Variants in WWOX observed in about 807,000 individuals in gnomAD.
WWOX encodes the protein WW domain-containing oxidoreductase.
In WWOX, 69 loss-of-function variants were observed where a neutral mutation model predicts 46.2. That is an observed-to-expected ratio of 1.49 (90% CI 1.23 to 1.82). The LOEUF is 1.82. WWOX is among the 40% of genes most tolerant of loss of function. The pLI, the probability that WWOX is intolerant of heterozygous loss-of-function variation, is 0.00. For synonymous variants in WWOX, 359 were observed against 202.6 expected (o/e 1.77, Z -6.56); for missense variants, 919 against 542.6 (o/e 1.69, Z -6.89).
chr16:78,408,315 A>T (rs1315408680), intron 6 of WWOX, among the ~76,000 whole-genome samples: 1 of 152,126 alleles, frequency 6.6e-6, no homozygotes, highest in Non-Finnish European at 1.5e-5. Flanking sequence ...CCTTCTGTGC[A>T]TGCTCACAAA....
chr16:78,618,721 T>C (rs547348319), intron 8 of WWOX, among the ~76,000 whole-genome samples: 14 of 152,030 alleles, frequency 9.2e-5, no homozygotes, highest in Admixed American at 2.0e-4. Context: ...CCTTGTAATA[T>C]GTATAATGAC....
intron 8 of WWOX, among the ~76,000 whole-genome samples, chr16:78,839,754 A>G (rs1597702303): frequency 1.3e-5 from 2 of 152,084 alleles, no homozygotes; most frequent in East Asian, 3.9e-4. Flanking sequence ...TTGGTTGGTG[A>G]TGCTAAATTG....
At chr16:78,988,842 G>A (rs1254429395) in intron 8 of WWOX, among the ~76,000 whole-genome samples, 3 of 152,270 alleles carry the variant, frequency 2.0e-5, no homozygotes, top group Non-Finnish European at 2.9e-5. Context: ...CCTGGGGCCA[G>A]CATGTTGCTG....
At chr16:78,671,470 C>T (rs1474373911) in intron 8 of WWOX, among the ~76,000 whole-genome samples, 4 of 152,128 alleles carry the variant, frequency 2.6e-5, no homozygotes, top group Admixed American at 1.3e-4. Flanking sequence ...TGTTTTAAGA[C>T]AATTTGCCTG....
At chr16:78,922,246 C>T (rs1246377219) in intron 8 of WWOX, among the ~76,000 whole-genome samples, 1 of 152,146 alleles carries the variant, frequency 6.6e-6, no homozygotes, top group Non-Finnish European at 1.5e-5. Flanking sequence ...AATGGTTCAT[C>T]TGCAACCTAA....
At chr16:79,097,926 T>C (rs1296476925) in intron 8 of WWOX, among the ~76,000 whole-genome samples, 2 of 152,122 alleles carry the variant, frequency 1.3e-5, no homozygotes, top group Admixed American at 6.5e-5. Flanking sequence ...ACAGGCAAAA[T>C]GATAAGTCAG....
chr16:78,785,167 G>C (rs1303258633), intron 8 of WWOX, among the ~76,000 whole-genome samples: 1 of 152,226 alleles, frequency 6.6e-6, no homozygotes, highest in Non-Finnish European at 1.5e-5. Context: ...GTGACTGGCT[G>C]TCTAAGAATT....
At chr16:78,523,118 G>T (rs2043385606) in intron 8 of WWOX, among the ~76,000 whole-genome samples, 1 of 152,132 alleles carries the variant, frequency 6.6e-6, no homozygotes, top group South Asian at 2.1e-4. Context: ...ACTGGTACGA[G>T]AAGAAATTAT....
chr16:78,505,592 GGCCA>G (rs1173044110), intron 8 of WWOX, among the ~76,000 whole-genome samples: 3 of 152,062 alleles, frequency 2.0e-5, no homozygotes, highest in Admixed American at 2.0e-4. Flanking sequence ...TACCTCTTGG[GGCCA>G]GCCAGCCTCA....
rs552214695 is a variant in WWOX, at chr16:78,317,041, G to T, written c.517-69819G>T. 5.7e-4 allele frequency among the ~76,000 whole-genome samples: 87 copies of T among 152,334 alleles called. 1 individual carries two copies. The South Asian group carries it at 0.017, about 30-fold the overall frequency. ...AAGGATATTAGAATCCAAAGGTGAA[G>T]CCTGCACAGTAAGTAGGCCAGTGGT... On this transcript the variant is annotated intron_variant, in intron 5 of 8. Transcript: ENST00000566780.
At chr16:78,219,898 A>T (rs2036836288) in intron 5 of WWOX, among the ~76,000 whole-genome samples, 1 of 152,110 alleles carries the variant, frequency 6.6e-6, no homozygotes, top group Non-Finnish European at 1.5e-5. Context: ...TTGTACTGAA[A>T]CTTACCAAAC....
chr16:78,792,799 C>A (rs2050638899), intron 8 of WWOX, among the ~76,000 whole-genome samples: 1 of 152,094 alleles, frequency 6.6e-6, no homozygotes, highest in African/African-American at 2.4e-5. Flanking sequence ...AGGATCCTCA[C>A]CAAGATTGCC....
At chr16:78,341,607 A>C (rs1355483470) in intron 5 of WWOX, among the ~76,000 whole-genome samples, 1 of 119,316 alleles carries the variant, frequency 8.4e-6, no homozygotes, top group African/African-American at 2.9e-5. Context: ...AGTGGACAGG[A>C]AGTGATGCTG....
At chr16:78,146,673 A>T (rs1000872221) in intron 4 of WWOX, among the ~76,000 whole-genome samples, 1 of 152,140 alleles carries the variant, frequency 6.6e-6, no homozygotes, top group Non-Finnish European at 1.5e-5. Flanking sequence ...TGAGTGTCTG[A>T]TTTTATTCAA....
At chr16:78,421,067 C>G (rs1278002058) in intron 6 of WWOX, among the ~76,000 whole-genome samples, 2 of 152,000 alleles carry the variant, frequency 1.3e-5, no homozygotes, top group Non-Finnish European at 2.9e-5. Context: ...TTTTAGTTGA[C>G]ATGTCATTAT....
chr16:78,869,956 A>G (rs2044090949), intron 8 of WWOX, among the ~76,000 whole-genome samples: 2 of 152,194 alleles, frequency 1.3e-5, no homozygotes, highest in African/African-American at 4.8e-5. Flanking sequence ...GTCTATGTTT[A>G]TGTGAGCTTA....
intron 8 of WWOX, among the ~76,000 whole-genome samples, chr16:78,541,185 A>G (rs1485308499): frequency 6.6e-6 from 1 of 152,158 alleles, no homozygotes; most frequent in Non-Finnish European, 1.5e-5. Context: ...ATAAAAATAG[A>G]CACGTACGGC....
chr16:78,395,292 G>A (rs1048192351), intron 6 of WWOX, among the ~76,000 whole-genome samples: 2 of 152,196 alleles, frequency 1.3e-5, no homozygotes, highest in Non-Finnish European at 2.9e-5. Context: ...GCCAAGGCAG[G>A]CAGGTTGCTT....
intron 8 of WWOX, among the ~76,000 whole-genome samples, chr16:78,564,313 C>T (rs530286389): frequency 7.2e-5 from 11 of 152,296 alleles, no homozygotes; most frequent in Admixed American, 3.3e-4. Flanking sequence ...AGTGTTTGCC[C>T]TTTTCCTCAG....
Sources: gnomAD v4.1 joint callset for allele counts (sites outside exome capture counted in the v4.1 genomes callset) on GRCh38, gnomAD v4.1.1 for gene constraint, MANE v1.5 for transcripts, NCBI Gene and HGNC (gene_info 2026-07-23, HGNC 2026-07-21) for gene names.